Variants in AMD1 observed in about 807,000 individuals in gnomAD.
AMD1 encodes adenosylmethionine decarboxylase 1.
A neutral mutation model predicts 40.2 loss-of-function variants in AMD1; 11 were observed. The observed-to-expected ratio is 0.27, with a 90% CI of 0.17 to 0.45. The LOEUF is 0.45. Among genes scored for constraint, AMD1 ranks in the 20% least tolerant of loss-of-function variants. AMD1 has a pLI of 1.00. For synonymous variants in AMD1, 121 were observed against 130.8 expected (o/e 0.93, Z 0.51); for missense variants, 257 against 410.2 (o/e 0.63, Z 3.23).
chr6:110,881,632 A>G (rs1390236999), intron 1 of AMD1, among the ~76,000 whole-genome samples: 2 of 152,020 alleles, frequency 1.3e-5, no homozygotes, highest in African/African-American at 2.4e-5. Flanking sequence ...CCTGGCCAGC[A>G]TGGTGAAACA....
chr6:110,874,526 C>T (rs1412930831), upstream of AMD1, among the ~76,000 whole-genome samples: 1 of 152,194 alleles, frequency 6.6e-6, no homozygotes, highest in Non-Finnish European at 1.5e-5. Flanking sequence ...ACCCACTCTG[C>T]GTTCGATCCG....
chr6:110,842,101 C>T, the AMD1 span, among the ~76,000 whole-genome samples: 2 of 152,082 alleles, frequency 1.3e-5, no homozygotes, highest in African/African-American at 4.8e-5. Flanking sequence ...TCTAGCCCGG[C>T]AAAACATTTG....
the AMD1 span, among the ~76,000 whole-genome samples, chr6:110,816,485 ATAAAT>A: frequency 6.6e-6 from 1 of 152,226 alleles, no homozygotes; most frequent in Non-Finnish European, 1.5e-5. Flanking sequence ...TTTTAGCAAA[ATAAAT>A]TAAGATCCAG....
upstream of AMD1, among the ~76,000 whole-genome samples, chr6:110,873,136 G>A (rs753150065): frequency 7.9e-5 from 12 of 152,162 alleles, no homozygotes; most frequent in Non-Finnish European, 8.8e-5. Flanking sequence ...AGGCCGAAGT[G>A]GGCAGATCAC....
the AMD1 span, among the ~76,000 whole-genome samples, chr6:110,846,999 G>C: frequency 1.3e-5 from 2 of 151,748 alleles, no homozygotes; most frequent in South Asian, 4.1e-4. Context: ...TGAATGCATG[G>C]CATGCATATC....
chr6:110,889,254 A>T (rs1490654420), intron 3 of AMD1: 2 of 220,342 alleles, frequency 9.1e-6, no homozygotes, highest in Non-Finnish European at 1.8e-5. Context: ...GGCTACTTAT[A>T]ATAATAGAGA....
At chr6:110,892,477 C>G in intron 6 of AMD1, 34 bp downstream of exon 6, 10 of 1,606,942 alleles carry the variant, frequency 6.2e-6, no homozygotes, top group Non-Finnish European at 8.5e-6. Context: ...TTGCTGGACT[C>G]TTCTGCGTGG....
At chr6:110,816,789 G>C in the AMD1 span, among the ~76,000 whole-genome samples, 5 of 152,078 alleles carry the variant, frequency 3.3e-5, no homozygotes, top group Non-Finnish European at 7.4e-5. Context: ...TGGCCTTGCT[G>C]TGTTGCCCAG....
At chr6:110,822,961 C>A in the AMD1 span, among the ~76,000 whole-genome samples, 1 of 151,930 alleles carries the variant, frequency 6.6e-6, no homozygotes. Flanking sequence ...ACTAAAAATA[C>A]AAAAGTTAGC....
At chr6:110,823,067 A>T in the AMD1 span, among the ~76,000 whole-genome samples, 3 of 152,328 alleles carry the variant, frequency 2.0e-5, no homozygotes, top group Non-Finnish European at 2.9e-5. Flanking sequence ...GCGAGCCGAG[A>T]TTGTACCATT....
upstream of AMD1, among the ~76,000 whole-genome samples, chr6:110,873,393 A>G (rs1349089917): frequency 6.6e-6 from 1 of 152,206 alleles, no homozygotes; most frequent in Non-Finnish European, 1.5e-5. Context: ...AGAGTAGTTT[A>G]TGTACCTAGC....
the AMD1 span, among the ~76,000 whole-genome samples, chr6:110,825,850 G>A: frequency 2.0e-5 from 3 of 152,222 alleles, no homozygotes; most frequent in East Asian, 3.9e-4. Context: ...CTGAGGAGTA[G>A]GACTGGGAGG....
In AMD1 at chr6:110,875,062, AG is replaced by A. The variant is rs1294871481; in HGVS notation, c.-43del. The A allele has an allele frequency of 6.7e-7, 1 of 1,486,292 alleles. No homozygotes were observed. The highest frequency in any genetic ancestry group is 1.2e-5 in the South Asian group (1 of 85,514). 92.1% of individuals were successfully genotyped at this position (1,486,292 alleles called of 1,614,324 possible). A position where few individuals can be genotyped will look rare whatever the true frequency, so the allele number is the denominator to read the frequency against. On this transcript the variant is annotated 5_prime_UTR_variant, in exon 1 of 9. Transcript: ENST00000368885. The stretch of plus-strand genomic sequence containing the variant: ...AGCGGCGGGAGAAGAGGTTTAATTT[AG>A]TTGATTTTCTGTGGTTGTTGGTTGT...
chr6:110,858,107 G>A, the AMD1 span: 10 of 490,326 alleles, frequency 2.0e-5, no homozygotes, highest in East Asian at 4.2e-5. Flanking sequence ...GCCTCCCAAC[G>A]TGCTGGGATT....
chr6:110,890,424 C>T (rs1270081283), intron 4 of AMD1, 68 bp downstream of exon 4: 9 of 1,103,118 alleles, frequency 8.2e-6, no homozygotes, highest in Non-Finnish European at 1.1e-5. Flanking sequence ...AGAGATCTTT[C>T]TATATGAGAG....
At chr6:110,852,288 C>A in the AMD1 span, among the ~76,000 whole-genome samples, 74 of 131,892 alleles carry the variant, frequency 5.6e-4, no homozygotes, top group Admixed American at 1.2e-3. Context: ...GTGGCACGAT[C>A]TTGGCTCACT....
At chr6:110,865,105 A>G in the AMD1 span, among the ~76,000 whole-genome samples, 4 of 152,340 alleles carry the variant, frequency 2.6e-5, no homozygotes, top group East Asian at 7.7e-4. Context: ...GAAACAGATA[A>G]AAGACAAAAT....
chr6:110,871,584 A>G (rs1166541928), upstream of AMD1, among the ~76,000 whole-genome samples: 2 of 152,204 alleles, frequency 1.3e-5, no homozygotes, highest in Non-Finnish European at 2.9e-5. Flanking sequence ...TAAAGGGTGG[A>G]CCATAAAGAG....
chr6:110,879,366 T>A (rs998827635), intron 1 of AMD1, among the ~76,000 whole-genome samples: 4 of 152,158 alleles, frequency 2.6e-5, no homozygotes, highest in African/African-American at 9.7e-5. Flanking sequence ...AACGAAAATA[T>A]TTCAACTGTT....
Sources: gnomAD v4.1 joint callset for allele counts (sites outside exome capture counted in the v4.1 genomes callset) on GRCh38, gnomAD v4.1.1 for gene constraint, MANE v1.5 for transcripts, NCBI Gene and HGNC (gene_info 2026-07-23, HGNC 2026-07-21) for gene names.